ANXA7: variants seen among roughly 807,000 people sequenced by gnomAD.
ANXA7 encodes annexin A7.
A neutral mutation model predicts 64.9 loss-of-function variants in ANXA7; 55 were observed. The ratio of observed to expected loss-of-function variants is 0.85; its 90% CI spans 0.68 to 1.06. ANXA7 has a LOEUF of 1.06. Ranked by LOEUF, ANXA7 falls within the 50% of genes least tolerant of loss-of-function variation. ANXA7 has a pLI of 0.00. For missense variants in ANXA7, 548 were observed against 582.1 expected, an observed-to-expected ratio of 0.94 and a Z score of 0.60; for synonymous variants, 200 against 192.4, an observed-to-expected ratio of 1.04 and a Z score of -0.33.
intron 5 of ANXA7, among the ~76,000 whole-genome samples, chr10:73,389,179 A>C (rs754124584): frequency 6.6e-6 from 1 of 152,260 alleles, no homozygotes; most frequent in Non-Finnish European, 1.5e-5. Flanking sequence ...CTTGCCAAAA[A>C]GGCATGACCT....
chr10:73,394,412 G>T (rs951406073), intron 5 of ANXA7, among the ~76,000 whole-genome samples: 2 of 152,086 alleles, frequency 1.3e-5, no homozygotes, highest in African/African-American at 4.8e-5. Flanking sequence ...ACATGCACAC[G>T]TATGTTTATT....
intron 2 of ANXA7, among the ~76,000 whole-genome samples, chr10:73,399,167 G>A (rs2055620884): frequency 6.6e-6 from 1 of 152,208 alleles, no homozygotes; most frequent in African/African-American, 2.4e-5. Context: ...ATCAGAATAA[G>A]GAAGGAGCCT....
At chr10:73,396,443 T>C (rs943457856) in intron 5 of ANXA7, 76 bp downstream of exon 5, 4 of 1,099,154 alleles carry the variant, frequency 3.6e-6, no homozygotes, top group Middle Eastern at 2.0e-4. Flanking sequence ...CTCCGACCCA[T>C]GGAAACCTCA....
At chr10:73,395,875 A>T (rs1348427121) in intron 5 of ANXA7, 7 of 706,044 alleles carry the variant, frequency 9.9e-6, no homozygotes, top group Non-Finnish European at 1.8e-5. Context: ...CAGTCAACAG[A>T]CTAACTGGCT....
Position 73,379,005 on chromosome 10 carries a change from C to A in ANXA7, c.1184G>T (p.Arg395Leu). The A allele has an allele frequency of 6.2e-7, 1 of 1,612,166 alleles. No homozygotes were observed. The highest frequency in any genetic ancestry group is 8.5e-7 in the Non-Finnish European group (1 of 1,179,190). ...LKTILQCALN[R>L]PAFFAERLYY... ...GAGCCTCTCAGCAAAGAAGGCAGGG[C>A]GGTTCAGGGCACACTGCACTGCAAG... is the stretch of plus-strand genomic sequence containing the variant. The change falls in exon 12 of 13, where the codon CGC becomes CTC. Residue 395 changes from arginine (R) to leucine (L), a missense_variant. Transcript: ENST00000372921.
Position 73,398,378 on chromosome 10 carries a change from C to A in ANXA7, c.62G>T (p.Gly21Val). The A allele has an allele frequency of 6.2e-7, 1 of 1,609,544 alleles. No homozygotes were observed. Among genetic ancestry groups the A allele is most frequent in the Non-Finnish European group, 8.5e-7 (1 of 1,176,476 alleles). The part of the protein sequence containing the change: ...YPPFPGYPPA[G>V]QESSFPPSGQ... ...AGAAGGGGGAAAAGATGACTCCTGA[C>A]CTGCAGGCTGAAAAATCAGAATAAT... The change falls in exon 3 of 13, where the codon GGT (glycine) becomes GTT (valine). Residue 21 changes from glycine (G) to valine (V), a missense_variant. Transcript: ENST00000372921.
At chr10:73,392,696 G>A (rs1283040933) in intron 5 of ANXA7, among the ~76,000 whole-genome samples, 11 of 152,224 alleles carry the variant, frequency 7.2e-5, no homozygotes, top group Admixed American at 4.6e-4. Flanking sequence ...TTGATGGGAC[G>A]TATCTCAAAA....
At chr10:73,385,002 A>G (rs1357842589) in intron 7 of ANXA7, among the ~76,000 whole-genome samples, 1 of 152,150 alleles carries the variant, frequency 6.6e-6, no homozygotes, top group Non-Finnish European at 1.5e-5. Flanking sequence ...GATGTCCAGG[A>G]CTAAGACTCA....
At chr10:73,382,478 A>T (rs1223297964) in intron 9 of ANXA7, among the ~76,000 whole-genome samples, 1 of 152,102 alleles carries the variant, frequency 6.6e-6, no homozygotes, top group Non-Finnish European at 1.5e-5. Flanking sequence ...AATAGCTGGC[A>T]CTACAGGCAC....
intron 5 of ANXA7, among the ~76,000 whole-genome samples, chr10:73,394,558 T>C (rs1589656870): frequency 6.6e-6 from 1 of 152,298 alleles, no homozygotes. Context: ...ATGTCCTTTG[T>C]AGGGACATGG....
chr10:73,381,731 A>AT (rs1200352343), intron 9 of ANXA7, among the ~76,000 whole-genome samples: 1 of 152,110 alleles, frequency 6.6e-6, no homozygotes, highest in East Asian at 1.9e-4. Flanking sequence ...CTTAATAGCC[A>AT]TTTTTTAGCA....
intron 3 of ANXA7, among the ~76,000 whole-genome samples, chr10:73,397,589 G>C (rs9971286): frequency 0.15 from 22,997 of 151,966 alleles, 2,836 homozygotes; most frequent in African/African-American, 0.32. Context: ...TCCCAGGTAG[G>C]TGGGATTACA....
At position 73,387,786 on chromosome 10, in the gene ANXA7, G is replaced by GGAA. The variant is rs3834898; in HGVS notation, c.539-6_539-4dup. 133,162 of 1,611,980 alleles carry GGAA rather than the reference G, an allele frequency of 0.083. 8,265 individuals carry two copies. Among genetic ancestry groups the GGAA allele is most frequent in the East Asian group, 0.29 (12,819 of 44,778 alleles). ...CACAATTGCCTGCTCATCTGTCCCT[G>GGAA]GAAGAACCACACATGTTTAAGTAAG... On this transcript the variant is annotated splice_polypyrimidine_tract_variant and splice_region_variant and intron_variant, in intron 6 of 12. Coordinates refer to ENST00000372921, the MANE Select transcript of ANXA7 (RefSeq NM_001156.5).
At chr10:73,384,708 T>C (rs1224163663) in intron 7 of ANXA7, among the ~76,000 whole-genome samples, 1 of 152,064 alleles carries the variant, frequency 6.6e-6, no homozygotes, top group Non-Finnish European at 1.5e-5. Flanking sequence ...GCCGATATTG[T>C]TCTTATTTGG....
rs146790409 is a variant in ANXA7 at position 73,385,845 on chromosome 10, A to G, written c.633+1844T>C. ...AGAATAAGCAAGGTGGGACCAATCA[A>G]TGGACCACTACCCCATTCTGAGAAA... On this transcript the variant is annotated intron_variant, in intron 7 of 12. Transcript: ENST00000372921. 9.3e-4 allele frequency among the ~76,000 whole-genome samples: 141 copies of G among 152,278 alleles called. 1 individual carries two copies. Among genetic ancestry groups the G allele is most frequent in the Admixed American group, 1.7e-3 (26 of 15,280 alleles).
chr10:73,377,779 T>TGG (rs1372751658), intron 12 of ANXA7, among the ~76,000 whole-genome samples: 6 of 147,970 alleles, frequency 4.1e-5, no homozygotes, highest in African/African-American at 1.5e-4. Context: ...TGTGGGTGTG[T>TGG]GTGTGTGTGT....
At chr10:73,412,792 G>A (rs1276758162) in intron 1 of ANXA7, among the ~76,000 whole-genome samples, 2 of 140,994 alleles carry the variant, frequency 1.4e-5, no homozygotes, top group East Asian at 1.9e-4. Flanking sequence ...CACCGCGCTC[G>A]GGCTTTTTTT....
chr10:73,389,998 T>TA, intron 5 of ANXA7, among the ~76,000 whole-genome samples: 1 of 152,282 alleles, frequency 6.6e-6, no homozygotes, highest in Middle Eastern at 3.4e-3. Context: ...CACTACTTTT[T>TA]AAAAAAATTT....
chr10:73,412,608 C>T (rs2055862865), intron 1 of ANXA7, among the ~76,000 whole-genome samples: 1 of 151,458 alleles, frequency 6.6e-6, no homozygotes, highest in Non-Finnish European at 1.5e-5. Flanking sequence ...ACTCTCCTGC[C>T]TCAGCCTCCA....
Sources: allele counts gnomAD v4.1 joint callset (sites outside exome capture counted in the v4.1 genomes callset), GRCh38; gene constraint gnomAD v4.1.1; transcripts MANE v1.5; gene names NCBI Gene and HGNC (gene_info 2026-07-23, HGNC 2026-07-21).